ATP8A2: variants seen among roughly 807,000 people sequenced by gnomAD.
The protein encoded by ATP8A2 is phospholipid-transporting ATPase IB.
A neutral mutation model predicts 165.6 loss-of-function variants in ATP8A2; 100 were observed. The ratio of observed to expected loss-of-function variants is 0.60; its 90% confidence interval spans 0.51 to 0.71. The LOEUF (loss-of-function observed/expected upper bound fraction) is 0.71, where lower values mean the gene tolerates loss of function less well. ATP8A2 is among the 30% of genes least tolerant of loss of function. The pLI is 0.00. For missense variants in ATP8A2, 1,227 were observed against 1,479.5 expected (o/e 0.83, Z 2.80); for synonymous variants, 543 against 548.8 (o/e 0.99, Z 0.15).
chr13:26,004,108 G>T (rs575771700), intron 35 of ATP8A2, among the ~76,000 whole-genome samples: 2 of 152,190 alleles, frequency 1.3e-5, no homozygotes, highest in African/African-American at 4.8e-5. Context: ...ATCACTTTGT[G>T]TAGTATGATT....
intron 24 of ATP8A2, among the ~76,000 whole-genome samples, chr13:25,620,988 G>A (rs1291257628): frequency 6.6e-6 from 1 of 152,148 alleles, no homozygotes; most frequent in East Asian, 1.9e-4. Flanking sequence ...TGAGAGAAGT[G>A]GAGTAGTGGG....
intron 19 of ATP8A2, among the ~76,000 whole-genome samples, chr13:25,575,438 T>C (rs1486301765): frequency 6.6e-6 from 1 of 152,220 alleles, no homozygotes; most frequent in Non-Finnish European, 1.5e-5. Flanking sequence ...TAAGGAAACA[T>C]ATCTTAATTT....
chr13:25,874,297 C>G (rs1952764570), intron 33 of ATP8A2, among the ~76,000 whole-genome samples: 1 of 152,204 alleles, frequency 6.6e-6, no homozygotes, highest in South Asian at 2.1e-4. Context: ...CTGCTCCTCT[C>G]ACTTCCTGAC....
chr13:25,904,584 G>A (rs1440934174), intron 33 of ATP8A2, among the ~76,000 whole-genome samples: 1 of 152,188 alleles, frequency 6.6e-6, no homozygotes, highest in Non-Finnish European at 1.5e-5. Context: ...TGCCTGTGCT[G>A]TTGCTCTGCT....
chr13:25,797,359 C>T (rs1177639332), intron 27 of ATP8A2, among the ~76,000 whole-genome samples: 3 of 152,048 alleles, frequency 2.0e-5, no homozygotes, highest in African/African-American at 4.8e-5. Context: ...ACGCTATTTA[C>T]CCTGAGGTAA....
intron 1 of ATP8A2, among the ~76,000 whole-genome samples, chr13:25,423,420 G>A (rs905602782): frequency 6.6e-6 from 1 of 152,192 alleles, no homozygotes; most frequent in Admixed American, 6.5e-5. Flanking sequence ...AAAGCTTGCT[G>A]AGTGATCCTT....
chr13:25,632,079 C>T (rs1301666462), intron 24 of ATP8A2, among the ~76,000 whole-genome samples: 1 of 152,014 alleles, frequency 6.6e-6, no homozygotes, highest in African/African-American at 2.4e-5. Context: ...CTCAGGGAAA[C>T]ACTTTACTTA....
chr13:25,507,098 A>C (rs2037068084), intron 2 of ATP8A2, among the ~76,000 whole-genome samples: 1 of 151,944 alleles, frequency 6.6e-6, no homozygotes, highest in Admixed American at 6.6e-5. Flanking sequence ...AAGAGTCAGA[A>C]CATGTATAAA....
At chr13:25,713,711 G>A (rs1233040033) in intron 25 of ATP8A2, among the ~76,000 whole-genome samples, 1 of 152,138 alleles carries the variant, frequency 6.6e-6, no homozygotes, top group East Asian at 1.9e-4. Flanking sequence ...ATCCATCTGT[G>A]TGTGTGCTGA....
chr13:25,446,293 T>C (rs1401364239), intron 1 of ATP8A2, among the ~76,000 whole-genome samples: 2 of 152,166 alleles, frequency 1.3e-5, no homozygotes, highest in Non-Finnish European at 2.9e-5. Context: ...CCACAGAGAA[T>C]GTATATTTAT....
At chr13:25,443,757 C>T (rs1392909894) in intron 1 of ATP8A2, among the ~76,000 whole-genome samples, 1 of 152,192 alleles carries the variant, frequency 6.6e-6, no homozygotes, top group Admixed American at 6.5e-5. Context: ...CTCCCTAAAA[C>T]ATAGGCTACA....
At chr13:25,989,093 G>A (rs964902058) in intron 35 of ATP8A2, among the ~76,000 whole-genome samples, 1 of 152,240 alleles carries the variant, frequency 6.6e-6, no homozygotes, top group African/African-American at 2.4e-5. Flanking sequence ...AGGTTAATCG[G>A]TGGTGAAGCT....
intron 25 of ATP8A2, among the ~76,000 whole-genome samples, chr13:25,742,776 G>A (rs1410004734): frequency 1.3e-5 from 2 of 151,482 alleles, no homozygotes; most frequent in South Asian, 4.2e-4. Context: ...AAAGATGGAG[G>A]AGGCAGTGTT....
intron 24 of ATP8A2, among the ~76,000 whole-genome samples, chr13:25,642,121 A>C (rs959616930): frequency 5.9e-5 from 9 of 152,308 alleles, no homozygotes; most frequent in Admixed American, 1.3e-4. Flanking sequence ...TAAAGACTTA[A>C]ATGTTAGACC....
chr13:25,528,462 A>G (rs1005290122), intron 2 of ATP8A2, among the ~76,000 whole-genome samples: 1 of 152,100 alleles, frequency 6.6e-6, no homozygotes, highest in Non-Finnish European at 1.5e-5. Flanking sequence ...CAGTGGGACT[A>G]TTTCTTGTTC....
At chr13:25,732,189 C>T (rs1306585445) in intron 25 of ATP8A2, among the ~76,000 whole-genome samples, 2 of 152,178 alleles carry the variant, frequency 1.3e-5, no homozygotes, top group African/African-American at 4.8e-5. Context: ...TCCTAAAAAG[C>T]AGTGTTTGGA....
intron 6 of ATP8A2, among the ~76,000 whole-genome samples, 173 bp downstream of exon 6, chr13:25,533,486 A>G (rs887163098): frequency 7.2e-5 from 11 of 152,184 alleles, no homozygotes; most frequent in Non-Finnish European, 1.2e-4. Context: ...TAAGGGCCCA[A>G]TGTGTCACTT....
At chr13:25,479,767 A>T (rs2036105866) in intron 2 of ATP8A2, among the ~76,000 whole-genome samples, 1 of 152,058 alleles carries the variant, frequency 6.6e-6, no homozygotes, top group African/African-American at 2.4e-5. Context: ...TTTAACCCTG[A>T]GTGGACACAG....
Position 25,796,207 on chromosome 13 carries a change from C to T in ATP8A2, c.2679+21248C>T, listed in dbSNP as rs565363891. Among the ~76,000 whole-genome samples the T allele has an allele frequency of 5.3e-4, 80 of 152,228 alleles. 1 individual carries two copies. The Middle Eastern group carries it at 0.024, about 45-fold the overall frequency. ...CAGGTGATCTGCCTACTTTGGCCTCCGAAAGTGCTGGGATTACAGGCACGA... is the reference window on the plus strand; with the variant it reads ...CAGGTGATCTGCCTACTTTGGCCTCTGAAAGTGCTGGGATTACAGGCACGA... On this transcript the variant is annotated intron_variant, in intron 27 of 36. Transcript: ENST00000381655.
Sources: gnomAD v4.1 joint callset for allele counts (sites outside exome capture counted in the v4.1 genomes callset) on GRCh38, gnomAD v4.1.1 for gene constraint, MANE v1.5 for transcripts, NCBI Gene and HGNC (gene_info 2026-07-23, HGNC 2026-07-21) for gene names.